RBFOX3: variants seen among roughly 807,000 people sequenced by gnomAD.
The protein encoded by RBFOX3 is RNA binding fox-1 homolog 3, also known as RNA binding protein fox-1 homolog 3.
In RBFOX3, 17 loss-of-function variants were observed where a neutral mutation model predicts 48.7. That is an observed-to-expected ratio of 0.35 (90% CI 0.24 to 0.52). The LOEUF (loss-of-function observed/expected upper bound fraction) is 0.52. Among genes scored for constraint, RBFOX3 ranks in the 20% least tolerant of loss-of-function variants. The probability of loss-of-function intolerance (pLI) is 0.94; values close to 1 mark genes in which losing one functional copy is unlikely to be tolerated. For missense variants in RBFOX3, 382 were observed against 497.5 expected (o/e 0.77, Z 2.21); for synonymous variants, 212 against 209.5 (o/e 1.01, Z -0.10).
chr17:79,663,284 C>T, the RBFOX3 span, among the ~76,000 whole-genome samples: 37 of 152,166 alleles, frequency 2.4e-4, no homozygotes, highest in Non-Finnish European at 5.3e-4. Context: ...TTTTCCTAAT[C>T]GGTTTGAGTC....
At position 79,336,565 on chromosome 17, in the gene RBFOX3, A is replaced by C. The variant is rs544333618; in HGVS notation, c.-174-28741T>G. 3.9e-5 allele frequency among the ~76,000 whole-genome samples: 6 copies of C among 152,346 alleles called. No individual in the cohort carries two copies. In the East Asian group the frequency reaches 1.2e-3, roughly 29 times the overall value. On this transcript the variant is annotated intron_variant, in intron 2 of 14. Transcript: ENST00000693108. ...TTCAGCTGTCTGGACTCACAAGGGCAGAAATCAGTGAGACCCACAGGTGAG... is the reference window on the plus strand; with the variant it reads ...TTCAGCTGTCTGGACTCACAAGGGCCGAAATCAGTGAGACCCACAGGTGAG...
At chr17:79,621,112 CCT>C in the RBFOX3 span, among the ~76,000 whole-genome samples, 2 of 152,034 alleles carry the variant, frequency 1.3e-5, no homozygotes, top group African/African-American at 4.8e-5. Flanking sequence ...GACTCTCCTG[CCT>C]CAGCCTCCCA....
the RBFOX3 span, among the ~76,000 whole-genome samples, chr17:79,648,052 G>T: frequency 6.6e-6 from 1 of 151,616 alleles, no homozygotes; most frequent in Non-Finnish European, 1.5e-5. Flanking sequence ...CAGGGGACAC[G>T]GAGCCCATCT....
At chr17:79,216,375 A>T (rs148611218) in intron 4 of RBFOX3, among the ~76,000 whole-genome samples, 303 of 152,240 alleles carry the variant, frequency 2.0e-3, no homozygotes, top group African/African-American at 6.8e-3. Flanking sequence ...ACCACGGAGC[A>T]GGTGGGGAGG....
chr17:79,179,001 C>T, intron 4 of RBFOX3, among the ~76,000 whole-genome samples: 1 of 152,186 alleles, frequency 6.6e-6, no homozygotes, highest in Non-Finnish European at 1.5e-5. Context: ...CTCTAGCCAC[C>T]CATGCTGACC....
intron 3 of RBFOX3, among the ~76,000 whole-genome samples, chr17:79,261,504 C>T (rs1224319708): frequency 1.3e-5 from 2 of 152,232 alleles, no homozygotes; most frequent in Non-Finnish European, 2.9e-5. Context: ...CTGCCACAGT[C>T]CCCCAGGAGC....
At position 79,321,448 on chromosome 17, in the gene RBFOX3, G is replaced by A. The variant is rs77265926; in HGVS notation, c.-174-13624C>T. 2.8e-3 allele frequency among the ~76,000 whole-genome samples: 433 copies of A among 152,318 alleles called. 2 individuals are homozygous for A. Among genetic ancestry groups the A allele is most frequent in the African/African-American group, 9.3e-3 (387 of 41,570 alleles). On this transcript the variant is annotated intron_variant, in intron 2 of 14. Transcript: ENST00000693108. ...AACACGCCCACTCCTAACTGGAGCC[G>A]AGACACAGAAGCCCTTCTGAGCATG...
At chr17:79,341,573 G>A (rs11650443) in intron 2 of RBFOX3, among the ~76,000 whole-genome samples, 26,917 of 152,080 alleles carry the variant, frequency 0.18, 3,225 homozygotes, top group Non-Finnish European at 0.27. Flanking sequence ...GCTGGGGCAC[G>A]GCTGTCCTAC....
rs1038953069 is a variant in RBFOX3, at chr17:79,103,511, C to T, written c.415-257G>A. ...CAGCCTGAGCCCAGCCTGAGCTGAT[C>T]ACCCGGCATCTCCAAAGGGACAGGC... On this transcript the variant is annotated intron_variant, in intron 7 of 14. Transcript: ENST00000693108. The surrounding 1 kb of genome is among the most constrained non-coding windows in gnomAD (Gnocchi z 6.1). Among the ~76,000 whole-genome samples the T allele has an allele frequency of 6.6e-6, 1 of 152,148 alleles. No homozygotes were observed. Among genetic ancestry groups the T allele is most frequent in the Non-Finnish European group, 1.5e-5 (1 of 68,014 alleles).
At chr17:79,567,957 T>C (rs1425856728) in intron 1 of RBFOX3, among the ~76,000 whole-genome samples, 4 of 152,244 alleles carry the variant, frequency 2.6e-5, no homozygotes, top group African/African-American at 9.6e-5. Context: ...AAGAGATGGT[T>C]TGCAGACCAA....
At chr17:79,638,529 C>T in the RBFOX3 span, among the ~76,000 whole-genome samples, 4 of 152,110 alleles carry the variant, frequency 2.6e-5, no homozygotes, top group Non-Finnish European at 5.9e-5. Flanking sequence ...CCTACCAAAA[C>T]TGAGTCAGGA....
intron 1 of RBFOX3, among the ~76,000 whole-genome samples, chr17:79,540,178 C>T (rs1464848316): frequency 6.6e-6 from 1 of 152,250 alleles, no homozygotes; most frequent in Non-Finnish European, 1.5e-5. Flanking sequence ...ATTCGTCACC[C>T]TCCAAGAACA....
intron 4 of RBFOX3, among the ~76,000 whole-genome samples, chr17:79,192,441 C>T (rs957459618): frequency 4.6e-5 from 7 of 152,332 alleles, no homozygotes; most frequent in East Asian, 1.9e-4. Flanking sequence ...TCACCAAACT[C>T]GGGAGCAGCA....
At chr17:79,567,991 A>G (rs1049675859) in intron 1 of RBFOX3, among the ~76,000 whole-genome samples, 3 of 152,198 alleles carry the variant, frequency 2.0e-5, no homozygotes, top group Non-Finnish European at 4.4e-5. Context: ...AGTCTCCTGG[A>G]ACCCTTCTAG....
intron 1 of RBFOX3, among the ~76,000 whole-genome samples, chr17:79,526,985 C>T (rs1340536951): frequency 6.6e-6 from 1 of 152,226 alleles, no homozygotes; most frequent in South Asian, 2.1e-4. Context: ...TCACAAGTCA[C>T]CTGTCAGCCC....
At chr17:79,159,744 TCA>T (rs2046568392) in intron 4 of RBFOX3, among the ~76,000 whole-genome samples, 1 of 136,444 alleles carries the variant, frequency 7.3e-6, no homozygotes, top group African/African-American at 3.3e-5. Flanking sequence ...CACACATTGG[TCA>T]CACACATGTC....
intron 2 of RBFOX3, among the ~76,000 whole-genome samples, chr17:79,466,465 G>T (rs2076332267): frequency 6.6e-6 from 1 of 152,162 alleles, no homozygotes; most frequent in Non-Finnish European, 1.5e-5. Context: ...CTGGCTTTCT[G>T]CAGAGCCCCT....
chr17:79,477,114 T>C lies in RBFOX3; in HGVS notation c.-175+5340A>G, dbSNP rs2077918945. Among the ~76,000 whole-genome samples, 1 of 150,466 alleles carries C rather than the reference T, an allele frequency of 6.6e-6. No individual in the cohort carries two copies. The highest frequency in any genetic ancestry group is 6.6e-5 in the Admixed American group (1 of 15,146). On this transcript the variant is annotated intron_variant, in intron 2 of 14. Transcript: ENST00000693108. The surrounding 1 kb of genome is among the most constrained non-coding windows in gnomAD (Gnocchi z 4.8). ...CAGGCGTGGTGGTGGGCGCCTGTAATCCCAGTTACTCGGGAAGCTGAGGCA... is the reference window on the plus strand; with the variant it reads ...CAGGCGTGGTGGTGGGCGCCTGTAACCCCAGTTACTCGGGAAGCTGAGGCA...
intron 4 of RBFOX3, among the ~76,000 whole-genome samples, chr17:79,189,324 C>A (rs565661928): frequency 2.0e-5 from 3 of 152,172 alleles, no homozygotes; most frequent in Non-Finnish European, 4.4e-5. Flanking sequence ...TTAGAGGCAG[C>A]GTCTGGGCCA....
Sources: allele counts gnomAD v4.1 joint callset (sites outside exome capture counted in the v4.1 genomes callset), GRCh38; gene constraint gnomAD v4.1.1; non-coding constraint Gnocchi (gnomAD v3.1); transcripts MANE v1.5; gene names NCBI Gene and HGNC (gene_info 2026-07-23, HGNC 2026-07-21).